HYAL4: variants seen among roughly 807,000 people sequenced by gnomAD.
HYAL4 encodes the protein hyaluronidase-4.
Under a neutral mutation model 35.2 loss-of-function variants are expected in HYAL4, and 37 were observed. The observed-to-expected ratio is 1.05, with a 90% CI of 0.81 to 1.38. The LOEUF (loss-of-function observed/expected upper bound fraction) is 1.38. HYAL4 is among the 40% of genes most tolerant of loss of function. HYAL4 has a pLI of 0.00. For missense variants in HYAL4, 572 were observed against 572.4 expected (o/e 1.00, Z 0.01); for synonymous variants, 198 against 203.2 (o/e 0.97, Z 0.22).
chr7:123,860,501 A>T (rs527574595), intron 2 of HYAL4, among the ~76,000 whole-genome samples: 1 of 152,350 alleles, frequency 6.6e-6, no homozygotes, highest in African/African-American at 2.4e-5. Flanking sequence ...ACACACATGT[A>T]AAACAAATAC....
At chr7:123,763,874 T>C in the HYAL4 span, among the ~76,000 whole-genome samples, 4 of 152,256 alleles carry the variant, frequency 2.6e-5, no homozygotes, top group Admixed American at 1.3e-4. Context: ...TCAGTACTTG[T>C]AGTTCCCTGA....
At chr7:123,830,640 G>A (rs1186773982) in intron 1 of HYAL4, among the ~76,000 whole-genome samples, 2 of 152,242 alleles carry the variant, frequency 1.3e-5, no homozygotes, top group East Asian at 3.9e-4. Flanking sequence ...TTCTGAATCA[G>A]AAGGAATTTA....
chr7:123,826,692 C>A (rs761849983), upstream of HYAL4, among the ~76,000 whole-genome samples: 1 of 151,866 alleles, frequency 6.6e-6, no homozygotes, highest in Non-Finnish European at 1.5e-5. Context: ...TTATTGATTC[C>A]TATTTTACTT....
At chr7:123,862,996 C>CA (rs1436263812) in intron 2 of HYAL4, among the ~76,000 whole-genome samples, 2 of 152,304 alleles carry the variant, frequency 1.3e-5, no homozygotes, top group East Asian at 3.9e-4. Context: ...CATGCTCTGC[C>CA]ACAGGGCCTT....
chr7:123,877,343 G>T lies in HYAL4; in HGVS notation c.*188G>T. On this transcript the variant is annotated 3_prime_UTR_variant, in exon 5 of 5. Transcript: ENST00000223026. ...CCAGTCTGGCTAGGAAACCAGATCT[G>T]GGGTAAAGTCAATGTACACTTCCTC... 2 of 573,020 alleles carry T rather than the reference G, an allele frequency of 3.5e-6. No homozygotes were observed. Among genetic ancestry groups the T allele is most frequent in the South Asian group, 5.8e-5 (2 of 34,396 alleles). 35.5% of individuals were successfully genotyped at this position (573,020 alleles called of 1,614,324 possible).
At chr7:123,768,731 C>T in the HYAL4 span, among the ~76,000 whole-genome samples, 2 of 152,168 alleles carry the variant, frequency 1.3e-5, no homozygotes, top group African/African-American at 2.4e-5. Context: ...CAACTCAGGC[C>T]AGGCAAACAA....
At chr7:123,798,738 GGTAGTGAAAA>G in the HYAL4 span, among the ~76,000 whole-genome samples, 4 of 152,274 alleles carry the variant, frequency 2.6e-5, no homozygotes, top group East Asian at 7.7e-4. Flanking sequence ...TCCAGACTGA[GGTAGTGAAAA>G]GTCCATGCAG....
At chr7:123,849,282 T>TCC (rs1806244847) in intron 2 of HYAL4, among the ~76,000 whole-genome samples, 3 of 151,718 alleles carry the variant, frequency 2.0e-5, no homozygotes, top group Non-Finnish European at 4.4e-5. Flanking sequence ...TCTCTCTCTC[T>TCC]CTCCCTCTCT....
intron 4 of HYAL4, chr7:123,876,117 G>A (rs1584930309): frequency 7.3e-5 from 33 of 449,882 alleles, no homozygotes; most frequent in South Asian, 4.7e-4. Context: ...TTTAGAACAC[G>A]TAATAGGAAC....
the HYAL4 span, among the ~76,000 whole-genome samples, chr7:123,804,931 A>G: frequency 6.6e-6 from 1 of 152,176 alleles, no homozygotes; most frequent in Non-Finnish European, 1.5e-5. Flanking sequence ...TATAAATGTA[A>G]CCTATTCTCA....
intron 2 of HYAL4, among the ~76,000 whole-genome samples, chr7:123,857,777 A>AT (rs1806487383): frequency 1.3e-5 from 2 of 151,098 alleles, no homozygotes; most frequent in South Asian, 4.2e-4. Context: ...AACATGTACT[A>AT]TTTGTTATTT....
the HYAL4 span, among the ~76,000 whole-genome samples, chr7:123,791,063 C>A: frequency 6.6e-6 from 1 of 152,002 alleles, no homozygotes; most frequent in African/African-American, 2.4e-5. Context: ...CTGTGCCTGG[C>A]CTGAATATCA....
the HYAL4 span, among the ~76,000 whole-genome samples, chr7:123,785,872 G>C: frequency 1.3e-5 from 2 of 152,108 alleles, no homozygotes; most frequent in African/African-American, 4.8e-5. This position sits in a 1 kb window ranked among gnomAD's most constrained non-coding sequence, Gnocchi z 4.5. Context: ...GCTTTGATTT[G>C]CTATCCTAGG....
At chr7:123,816,801 A>T in the HYAL4 span, among the ~76,000 whole-genome samples, 1 of 152,110 alleles carries the variant, frequency 6.6e-6, no homozygotes, top group African/African-American at 2.4e-5. Flanking sequence ...ATCAAAAAAC[A>T]GTATGGGTTT....
the HYAL4 span, among the ~76,000 whole-genome samples, chr7:123,781,594 C>G: frequency 6.6e-6 from 1 of 151,926 alleles, no homozygotes; most frequent in African/African-American, 2.4e-5. Context: ...TAGGGGCAAC[C>G]CACCCCTACA....
At chr7:123,815,412 C>T in the HYAL4 span, among the ~76,000 whole-genome samples, 1 of 152,080 alleles carries the variant, frequency 6.6e-6, no homozygotes, top group Non-Finnish European at 1.5e-5. Flanking sequence ...CAACATAGAG[C>T]TTAGGGTAAA....
intron 1 of HYAL4, among the ~76,000 whole-genome samples, chr7:123,847,100 A>T (rs557694874): frequency 6.6e-6 from 1 of 152,272 alleles, no homozygotes; most frequent in East Asian, 1.9e-4. Flanking sequence ...TCACAACGTG[A>T]GTCTCCATAC....
the HYAL4 span, among the ~76,000 whole-genome samples, chr7:123,805,085 T>C: frequency 6.6e-6 from 1 of 152,120 alleles, no homozygotes; most frequent in African/African-American, 2.4e-5. Context: ...ATGGTAAGGG[T>C]GAAAAAGTTG....
chr7:123,874,460 A>G (rs1413656849), intron 3 of HYAL4, among the ~76,000 whole-genome samples: 6 of 151,722 alleles, frequency 4.0e-5, no homozygotes, highest in Non-Finnish European at 4.4e-5. Context: ...CTGGAGTGCA[A>G]TGGTGCGATC....
Sources: gnomAD v4.1 joint callset for allele counts (sites outside exome capture counted in the v4.1 genomes callset) on GRCh38, gnomAD v4.1.1 for gene constraint, Gnocchi (gnomAD v3.1) non-coding constraint, MANE v1.5 for transcripts, NCBI Gene and HGNC (gene_info 2026-07-23, HGNC 2026-07-21) for gene names.